COL11A1: variants seen among roughly 807,000 people sequenced by gnomAD.
COL11A1 encodes collagen alpha-1(XI) chain.
In COL11A1, 74 loss-of-function variants were observed where a neutral mutation model predicts 265.2. That is an observed-to-expected ratio of 0.28 (90% confidence interval 0.23 to 0.34). COL11A1 has a LOEUF of 0.34. Ranked by LOEUF, COL11A1 falls within the 10% of genes least tolerant of loss-of-function variation. The pLI is 1.00. For synonymous variants in COL11A1, 816 were observed against 727.6 expected, an observed-to-expected ratio of 1.12 and a Z score of -1.96; for missense variants, 2,165 against 2,263.6, an observed-to-expected ratio of 0.96 and a Z score of 0.88.
chr1:103,074,908 C>T (rs1671856606), intron 3 of COL11A1, 128 bp from the exon 4 acceptor site: 9 of 1,107,614 alleles, frequency 8.1e-6, no homozygotes, highest in South Asian at 6.6e-5. Context: ...AATGTAGGCT[C>T]ATTTATTAAG....
chr1:102,920,390 T>C lies in COL11A1; in HGVS notation c.3709-26A>G, dbSNP rs543353117. On this transcript the variant is annotated intron_variant, in intron 48 of 66. Coordinates refer to ENST00000370096, the MANE Select transcript of COL11A1 (RefSeq NM_001854.4). Reference sequence around the variant, plus strand: ...CTGCAGTGTAGAAAAAGGAATGTAATTATCCATATTCTTATTAAAATAATG... The same window carrying C: ...CTGCAGTGTAGAAAAAGGAATGTAACTATCCATATTCTTATTAAAATAATG... 7 of 1,597,610 alleles carry C rather than the reference T, an allele frequency of 4.4e-6. No individual in the cohort carries two copies. The East Asian group carries it at 1.1e-4, about 26-fold the overall frequency.
intron 1 of COL11A1, among the ~76,000 whole-genome samples, chr1:103,104,965 C>T (rs1219563385): frequency 6.6e-6 from 1 of 152,140 alleles, no homozygotes; most frequent in Non-Finnish European, 1.5e-5. Flanking sequence ...GGCTCACTAT[C>T]GATTCCTGAC....
At chr1:103,037,031 T>A (rs897209959) in intron 4 of COL11A1, among the ~76,000 whole-genome samples, 1 of 150,990 alleles carries the variant, frequency 6.6e-6, no homozygotes, top group African/African-American at 2.4e-5. Context: ...CTATTTTTTT[T>A]ATCAAAATCA....
chr1:102,912,816 G>A (rs1418483957), intron 53 of COL11A1, among the ~76,000 whole-genome samples: 1 of 152,060 alleles, frequency 6.6e-6, no homozygotes, highest in East Asian at 1.9e-4. Context: ...TTTAATAAGT[G>A]GCTTTTCACC....
At chr1:103,062,484 C>G (rs1670751171) in intron 4 of COL11A1, among the ~76,000 whole-genome samples, 1 of 151,836 alleles carries the variant, frequency 6.6e-6, no homozygotes, top group Non-Finnish European at 1.5e-5. Context: ...ATGCCATAGT[C>G]AAGTGGAATT....
At chr1:103,104,671 C>G (rs1457924136) in intron 1 of COL11A1, among the ~76,000 whole-genome samples, 3 of 152,130 alleles carry the variant, frequency 2.0e-5, no homozygotes, top group Admixed American at 6.6e-5. Context: ...TAAACTGAAG[C>G]TATGTGTGTA....
At chr1:103,083,027 A>T (rs1672540160) in intron 1 of COL11A1, 55 bp from the exon 2 acceptor site, 12 of 1,533,388 alleles carry the variant, frequency 7.8e-6, no homozygotes, top group South Asian at 1.1e-5. Flanking sequence ...CTGATATAAC[A>T]ATGAGTATTT....
chr1:103,004,734 C>A, intron 18 of COL11A1, 73 bp from the exon 19 acceptor site: 2 of 1,317,566 alleles, frequency 1.5e-6, no homozygotes, highest in East Asian at 2.4e-5. Flanking sequence ...AGGTAGCTAT[C>A]CAAACCAAAT....
chr1:102,898,985 C>A lies in COL11A1; in HGVS notation c.4096G>T (p.Gly1366Ter). The A allele has an allele frequency of 6.5e-7, 1 of 1,547,594 alleles. No individual in the cohort carries two copies. Among genetic ancestry groups the A allele is most frequent in the Non-Finnish European group, 8.8e-7 (1 of 1,139,548 alleles). The change falls in exon 55 of 67, where the codon GGA becomes TGA. Residue 1366 changes from glycine to a stop codon, truncating the protein, a stop_gained. Coordinates refer to ENST00000370096, the MANE Select transcript of COL11A1 (RefSeq NM_001854.4). LOFTEE classifies it high-confidence loss of function. The part of the protein sequence containing the change: ...PGPPGKRGPP[G>*]AAGAEGRQGE... The stretch of plus-strand genomic sequence containing the variant: ...TGTCTTCCCTCTGCACCTGCAGCTC[C>A]AGGAGGACCCTATAGACATAAGATT...
chr1:103,048,793 G>C (rs1043296612), intron 4 of COL11A1, among the ~76,000 whole-genome samples: 4 of 152,094 alleles, frequency 2.6e-5, no homozygotes, highest in Non-Finnish European at 4.4e-5. Flanking sequence ...ATTCTGGTAT[G>C]TTGTGTCTTT....
At chr1:103,105,211 TAGTA>T (rs1674600171) in intron 1 of COL11A1, among the ~76,000 whole-genome samples, 1 of 152,124 alleles carries the variant, frequency 6.6e-6, no homozygotes, top group African/African-American at 2.4e-5. Flanking sequence ...CTCCTGTGAA[TAGTA>T]AGTAATGGAC....
chr1:103,000,216 T>C (rs1664982026), intron 24 of COL11A1, among the ~76,000 whole-genome samples: 1 of 151,778 alleles, frequency 6.6e-6, no homozygotes, highest in Admixed American at 6.6e-5. Context: ...TATAGTATAT[T>C]TTTAATGCAC....
chr1:103,021,366 T>A (rs1417896724), intron 9 of COL11A1, among the ~76,000 whole-genome samples: 2 of 152,108 alleles, frequency 1.3e-5, no homozygotes, highest in African/African-American at 4.8e-5. Flanking sequence ...GTAGGAAAGC[T>A]AAAAGTCCTA....
At chr1:103,050,393 C>T (rs1047771992) in intron 4 of COL11A1, among the ~76,000 whole-genome samples, 3 of 152,196 alleles carry the variant, frequency 2.0e-5, no homozygotes, top group South Asian at 2.1e-4. Context: ...TTGATCGCAT[C>T]GGCTACTGAG....
intron 4 of COL11A1, among the ~76,000 whole-genome samples, chr1:103,044,951 T>C (rs1669127733): frequency 6.6e-6 from 1 of 151,876 alleles, no homozygotes; most frequent in African/African-American, 2.4e-5. Flanking sequence ...TCATGGAAAG[T>C]TTCACTGATT....
At chr1:102,898,846 A>C (rs1226572313) in intron 55 of COL11A1, 73 bp from the exon 56 acceptor site, 1 of 1,426,556 alleles carries the variant, frequency 7.0e-7, no homozygotes, top group African/African-American at 1.4e-5. Context: ...AATGCACTGA[A>C]AAAAGTAGAT....
chr1:102,898,047 A>G (rs1429775826), intron 57 of COL11A1, 78 bp downstream of exon 57: 3 of 878,266 alleles, frequency 3.4e-6, no homozygotes, highest in Non-Finnish European at 5.3e-6. Flanking sequence ...ATAAACTAAA[A>G]TGTCAAAAAT....
intron 4 of COL11A1, among the ~76,000 whole-genome samples, chr1:103,061,770 T>G (rs1490656812): frequency 3.3e-5 from 5 of 151,972 alleles, no homozygotes; most frequent in African/African-American, 1.2e-4. Context: ...CTGTCTAAGC[T>G]TCTATCCTAA....
chr1:103,012,368 A>G (rs376142097), intron 14 of COL11A1, 45 bp downstream of exon 14: 1 of 1,496,998 alleles, frequency 6.7e-7, no homozygotes, highest in Non-Finnish European at 9.3e-7. Context: ...GGGAACTGCT[A>G]ATTTGAAAAT....
Sources: allele counts gnomAD v4.1 joint callset (sites outside exome capture counted in the v4.1 genomes callset), GRCh38; gene constraint gnomAD v4.1.1; transcripts MANE v1.5; gene names NCBI Gene and HGNC (gene_info 2026-07-23, HGNC 2026-07-21).